Variants in ZMAT4 observed in about 807,000 individuals in gnomAD.
ZMAT4 encodes the protein zinc finger matrin-type 4, also known as zinc finger matrin-type protein 4.
In ZMAT4, 17 loss-of-function variants were observed where a neutral mutation model predicts 28.7. The observed-to-expected ratio is 0.59, with a 90% CI of 0.41 to 0.89. The LOEUF (loss-of-function observed/expected upper bound fraction) is 0.89. Ranked by LOEUF, ZMAT4 falls within the 40% of genes least tolerant of loss-of-function variation. The pLI, the probability that ZMAT4 is intolerant of heterozygous loss-of-function variation, is 0.00. For synonymous variants in ZMAT4, 117 were observed against 109.2 expected (o/e 1.07, Z -0.44); for missense variants, 240 against 283.8 (o/e 0.85, Z 1.11).
intron 5 of ZMAT4, among the ~76,000 whole-genome samples, chr8:40,619,822 G>T (rs1346973945): frequency 6.6e-6 from 1 of 152,206 alleles, no homozygotes; most frequent in Non-Finnish European, 1.5e-5. Flanking sequence ...CCTGGGAAGA[G>T]AGTGTGAAGG....
chr8:40,780,384 A>T (rs559466714), intron 2 of ZMAT4, among the ~76,000 whole-genome samples: 21 of 152,342 alleles, frequency 1.4e-4, no homozygotes, highest in African/African-American at 5.1e-4. Context: ...CAGAAGGTGT[A>T]TCGTTTTCTC....
At chr8:40,658,054 C>T (rs1038820970) in intron 5 of ZMAT4, among the ~76,000 whole-genome samples, 9 of 152,124 alleles carry the variant, frequency 5.9e-5, no homozygotes, top group Admixed American at 2.6e-4. Flanking sequence ...ATGTTATAAA[C>T]TCCATGTATA....
chr8:40,694,129 C>A (rs537251141), intron 4 of ZMAT4, among the ~76,000 whole-genome samples: 3 of 152,060 alleles, frequency 2.0e-5, no homozygotes, highest in African/African-American at 7.3e-5. Flanking sequence ...TTAGGCAGAG[C>A]GGTTCCTAGA....
At chr8:40,833,440 T>C (rs1816357575) in intron 1 of ZMAT4, among the ~76,000 whole-genome samples, 1 of 150,366 alleles carries the variant, frequency 6.7e-6, no homozygotes, top group Non-Finnish European at 1.5e-5. Context: ...TGGTGGTGCG[T>C]GCCTGTAATC....
intron 3 of ZMAT4, among the ~76,000 whole-genome samples, chr8:40,708,569 CT>C (rs1491093495): frequency 3.1e-5 from 3 of 96,952 alleles, no homozygotes; most frequent in Non-Finnish European, 5.9e-5. Context: ...CATACACACT[CT>C]TTCTCTCTCT....
chr8:40,686,948 G>T (rs191624985), intron 4 of ZMAT4, among the ~76,000 whole-genome samples: 1 of 152,074 alleles, frequency 6.6e-6, no homozygotes, highest in African/African-American at 2.4e-5. Flanking sequence ...ATCCCACATT[G>T]CTGGGCTGTG....
intron 1 of ZMAT4, among the ~76,000 whole-genome samples, chr8:40,834,028 G>A (rs963644217): frequency 1.3e-5 from 2 of 152,208 alleles, no homozygotes; most frequent in Non-Finnish European, 2.9e-5. Flanking sequence ...GAGCTGCATC[G>A]CTGACTCACA....
intron 2 of ZMAT4, among the ~76,000 whole-genome samples, chr8:40,821,081 T>G (rs1276174519): frequency 2.0e-5 from 3 of 147,052 alleles, no homozygotes; most frequent in Non-Finnish European, 4.6e-5. Flanking sequence ...GATGGGTGTG[T>G]GTGTATGTGT....
intron 4 of ZMAT4, among the ~76,000 whole-genome samples, chr8:40,690,037 A>G (rs1242176131): frequency 5.3e-5 from 8 of 152,162 alleles, no homozygotes; most frequent in Admixed American, 5.2e-4. Context: ...TTCATTAGTC[A>G]TCAACTATAA....
intron 1 of ZMAT4, among the ~76,000 whole-genome samples, chr8:40,842,337 G>A (rs1816733316): frequency 1.3e-5 from 2 of 152,184 alleles, no homozygotes; most frequent in African/African-American, 4.8e-5. Flanking sequence ...CCAAATCCGG[G>A]GGTCTTTCCA....
intron 5 of ZMAT4, among the ~76,000 whole-genome samples, chr8:40,649,950 C>T (rs1807553044): frequency 6.6e-6 from 1 of 151,662 alleles, no homozygotes; most frequent in Non-Finnish European, 1.5e-5. Flanking sequence ...ATTTATAGCA[C>T]TAAATGCCCA....
chr8:40,802,854 G>A (rs1814913037), intron 2 of ZMAT4, among the ~76,000 whole-genome samples: 1 of 152,294 alleles, frequency 6.6e-6, no homozygotes, highest in African/African-American at 2.4e-5. Flanking sequence ...AGACAGTTTG[G>A]TATTGGTGAA....
intron 2 of ZMAT4, among the ~76,000 whole-genome samples, chr8:40,793,682 G>A (rs1814461135): frequency 6.6e-6 from 1 of 152,146 alleles, no homozygotes; most frequent in South Asian, 2.1e-4. Flanking sequence ...TGTCCCCAAT[G>A]TTTTCAAACC....
In ZMAT4 at chr8:40,698,727, TTA is replaced by T. The variant is rs1373382439; in HGVS notation, c.193-1328_193-1327del. Among the ~76,000 whole-genome samples the T allele has an allele frequency of 3.9e-5, 6 of 152,322 alleles. No homozygotes were observed. In the East Asian group the frequency reaches 1.2e-3, roughly 29 times the overall value. ...AATGAATTCCTTCCTCCTTAAGACA[TTA>T]GTCTGTAATATCTCTGATAATTAGC... On this transcript the variant is annotated intron_variant, in intron 3 of 6. Coordinates refer to ENST00000297737, the MANE Select transcript of ZMAT4 (RefSeq NM_024645.3).
At chr8:40,562,008 C>T (rs1352720745) in intron 6 of ZMAT4, among the ~76,000 whole-genome samples, 1 of 152,286 alleles carries the variant, frequency 6.6e-6, no homozygotes, top group South Asian at 2.1e-4. Flanking sequence ...TGACTGAAGT[C>T]AGTCAGGTGC....
intron 1 of ZMAT4, among the ~76,000 whole-genome samples, chr8:40,862,854 A>G (rs1480744757): frequency 1.3e-5 from 2 of 151,738 alleles, no homozygotes; most frequent in African/African-American, 4.8e-5. Flanking sequence ...TAGCATTAGG[A>G]GATATACCTA....
intron 3 of ZMAT4, among the ~76,000 whole-genome samples, chr8:40,740,680 C>A (rs1811963263): frequency 6.6e-6 from 1 of 152,152 alleles, no homozygotes; most frequent in Non-Finnish European, 1.5e-5. Context: ...TATAAAGATG[C>A]AATTTTTCCC....
chr8:40,648,837 G>A (rs940988655), intron 5 of ZMAT4, among the ~76,000 whole-genome samples: 43 of 129,886 alleles, frequency 3.3e-4, no homozygotes, highest in Admixed American at 4.0e-4. Flanking sequence ...CTTCATAAGT[G>A]AAGGAGAAAT....
chr8:40,796,436 G>A (rs57618884), intron 2 of ZMAT4, among the ~76,000 whole-genome samples: 18,836 of 152,160 alleles, frequency 0.12, 1,576 homozygotes, highest in East Asian at 0.34. Context: ...TAGCAGAGGA[G>A]GAGAAAAGCA....
Sources: allele counts gnomAD v4.1 joint callset (sites outside exome capture counted in the v4.1 genomes callset), GRCh38; gene constraint gnomAD v4.1.1; transcripts MANE v1.5; gene names NCBI Gene and HGNC (gene_info 2026-07-23, HGNC 2026-07-21).